The following PCDHA2 variants were observed in gnomAD, a reference collection of about 807,000 sequenced individuals.
PCDHA2 encodes protocadherin alpha-2.
PCDHA2 carries 58 observed loss-of-function variants against 66.0 expected under a neutral mutation model. The observed-to-expected ratio is 0.88, with a 90% CI of 0.71 to 1.09. The LOEUF is 1.09. Among genes scored for constraint, PCDHA2 ranks in the 50% least tolerant of loss-of-function variants. The probability of loss-of-function intolerance (pLI) is 0.00; values close to 1 mark genes in which losing one functional copy is unlikely to be tolerated. For synonymous variants in PCDHA2, 634 were observed against 554.0 expected (o/e 1.14, Z -2.03); for missense variants, 1,267 against 1,242.3 (o/e 1.02, Z -0.30).
intron 1 of PCDHA2, among the ~76,000 whole-genome samples, chr5:140,838,613 A>AT (rs1775803010): frequency 2.0e-5 from 3 of 152,150 alleles, no homozygotes; most frequent in Non-Finnish European, 4.4e-5. Flanking sequence ...ACTTTTAAAA[A>AT]TTTTTTACAA....
At chr5:140,965,838 T>C (rs1486782697) in intron 1 of PCDHA2, among the ~76,000 whole-genome samples, 5 of 152,204 alleles carry the variant, frequency 3.3e-5, no homozygotes, top group African/African-American at 1.2e-4. Flanking sequence ...ATATTGGTTA[T>C]TTGCCAAGGC....
intron 1 of PCDHA2, chr5:140,884,514 CG>C (rs1244903550): frequency 5.0e-6 from 8 of 1,614,058 alleles, no homozygotes; most frequent in Middle Eastern, 1.6e-4. Flanking sequence ...GGGAGTTGGT[CG>C]TACTCGCAGC....
At chr5:140,895,660 A>G (rs2065094898) in intron 1 of PCDHA2, among the ~76,000 whole-genome samples, 6 of 152,160 alleles carry the variant, frequency 3.9e-5, no homozygotes, top group Admixed American at 3.9e-4. Context: ...CTTATAAGTG[A>G]GAACATGTAG....
intron 1 of PCDHA2, chr5:140,848,965 C>G: frequency 6.2e-7 from 1 of 1,606,280 alleles, no homozygotes; most frequent in Non-Finnish European, 8.5e-7. Context: ...CTAGAGGGCG[C>G]GTCCGATGCA....
intron 1 of PCDHA2, chr5:140,822,362 G>A (rs2150115784): frequency 6.2e-7 from 1 of 1,614,122 alleles, no homozygotes; most frequent in Non-Finnish European, 8.5e-7. Context: ...CTGGTTTTGA[G>A]GAAATCCTTA....
intron 1 of PCDHA2, chr5:140,869,704 G>A (rs1271953937): frequency 2.5e-6 from 4 of 1,613,400 alleles, no homozygotes; most frequent in Admixed American, 3.3e-5. Flanking sequence ...GAAGTCTCTG[G>A]ATAGAGAGAA....
At chr5:140,807,347 C>T in intron 1 of PCDHA2, 1 of 1,612,946 alleles carries the variant, frequency 6.2e-7, no homozygotes, top group Non-Finnish European at 8.5e-7. Flanking sequence ...GGACCTGGGA[C>T]TGGAGCTGGC....
intron 3 of PCDHA2, among the ~76,000 whole-genome samples, chr5:140,990,637 C>A (rs2097404568): frequency 6.6e-6 from 1 of 152,154 alleles, no homozygotes; most frequent in South Asian, 2.1e-4. Flanking sequence ...AGACTAGAAG[C>A]CTCAGCCAGT....
chr5:140,875,173 A>G (rs567403390), intron 1 of PCDHA2: 75 of 394,970 alleles, frequency 1.9e-4, no homozygotes, highest in Non-Finnish European at 2.9e-4. Context: ...AAGTCGAAAC[A>G]TTAGAATTAA....
At chr5:140,924,767 C>T (rs782265529) in intron 1 of PCDHA2, among the ~76,000 whole-genome samples, 3 of 151,618 alleles carry the variant, frequency 2.0e-5, no homozygotes, top group South Asian at 2.1e-4. Flanking sequence ...TGGTGGTGCG[C>T]GCTTGTAGTC....
chr5:140,797,061 C>G lies in PCDHA2; in HGVS notation c.2097C>G (p.Tyr699Ter), dbSNP rs1554120281. ...SEATLVDVNV[Y>*]LIIAICAVSS... The stretch of plus-strand genomic sequence containing the variant: ...CTACGCTGGTGGATGTCAACGTGTA[C>G]CTGATCATCGCCATCTGCGCGGTAT... The change falls in exon 1 of 4, where the codon TAC becomes TAG. Residue 699 changes from tyrosine to a stop codon, truncating the protein, a stop_gained. Coordinates refer to ENST00000526136, the MANE Select transcript of PCDHA2 (RefSeq NM_018905.3). LOFTEE classifies it high-confidence loss of function. 1 of 1,613,846 alleles carries G rather than the reference C, an allele frequency of 6.2e-7. No homozygotes were observed. The highest frequency in any genetic ancestry group is 2.2e-5 in the East Asian group (1 of 44,874).
chr5:140,966,894 A>C, intron 1 of PCDHA2: 1 of 1,596,438 alleles, frequency 6.3e-7, no homozygotes, highest in African/African-American at 1.3e-5. Flanking sequence ...GCGGCCTCCC[A>C]GCTGCGATAC....
chr5:141,003,740 C>T (rs1490080996), intron 3 of PCDHA2, among the ~76,000 whole-genome samples: 1 of 152,146 alleles, frequency 6.6e-6, no homozygotes, highest in African/African-American at 2.4e-5. Flanking sequence ...AAAGCAAAAC[C>T]ATATTTTGTA....
At chr5:140,823,279 C>G (rs140654699) in intron 1 of PCDHA2, 1 of 1,612,436 alleles carries the variant, frequency 6.2e-7, no homozygotes, top group Non-Finnish European at 8.5e-7. Flanking sequence ...GGGCGAGCGC[C>G]CGCTGTCGAG....
Position 140,838,414 on chromosome 5 carries a change from G to A in PCDHA2, c.2388+41062G>A, listed in dbSNP as rs2150289048. 3.3e-5 allele frequency among the ~76,000 whole-genome samples: 5 copies of A among 151,096 alleles called. No homozygotes were observed. The South Asian group carries it at 6.3e-4, about 19-fold the overall frequency. On this transcript the variant is annotated intron_variant, in intron 1 of 3. Coordinates refer to ENST00000526136, the MANE Select transcript of PCDHA2 (RefSeq NM_018905.3). ...GCTGGGATTACAGGAGTGAGCCACC[G>A]CATCCGGCCTAAATTATATATTGGG...
chr5:140,897,461 A>G (rs1374397258), intron 1 of PCDHA2, among the ~76,000 whole-genome samples: 5 of 151,630 alleles, frequency 3.3e-5, no homozygotes, highest in African/African-American at 4.8e-5. Flanking sequence ...TCCTTGCGAT[A>G]GTTTACTGAG....
intron 1 of PCDHA2, chr5:140,808,226 G>A (rs781997351): frequency 3.7e-6 from 6 of 1,614,116 alleles, no homozygotes; most frequent in Non-Finnish European, 5.1e-6. Flanking sequence ...CAACGATAAT[G>A]TCCCAGATTT....
At chr5:140,869,659 G>A (rs782595471) in intron 1 of PCDHA2, 4 of 1,613,446 alleles carry the variant, frequency 2.5e-6, no homozygotes, top group Non-Finnish European at 3.4e-6. Context: ...ACCAACAAAT[G>A]GTAAGCAGAT....
In PCDHA2 at chr5:140,900,434, C is replaced by T. The variant is rs545919996; in HGVS notation, c.2389-78515C>T. On this transcript the variant is annotated intron_variant, in intron 1 of 3. Transcript: ENST00000526136. Reference sequence around the variant, plus strand: ...CTGGGATTATAGGCACGTGCCACCACGGCCGGCTAATTTTTTATTTTTAGT... The same window carrying T: ...CTGGGATTATAGGCACGTGCCACCATGGCCGGCTAATTTTTTATTTTTAGT... Among the ~76,000 whole-genome samples, 18 of 152,264 alleles carry T rather than the reference C, an allele frequency of 1.2e-4. No individual in the cohort carries two copies. The East Asian group carries it at 2.5e-3, about 21-fold the overall frequency.
Sources: allele counts gnomAD v4.1 joint callset (sites outside exome capture counted in the v4.1 genomes callset), GRCh38; gene constraint gnomAD v4.1.1; transcripts MANE v1.5; gene names NCBI Gene and HGNC (gene_info 2026-07-23, HGNC 2026-07-21).